LPP: variants seen among roughly 807,000 people sequenced by gnomAD.
LPP encodes lipoma-preferred partner.
LPP carries 38 observed loss-of-function variants against 60.4 expected under a neutral mutation model. That is an observed-to-expected ratio of 0.63 (90% CI 0.49 to 0.83). LPP has a LOEUF of 0.83. Ranked by LOEUF, LPP falls within the 40% of genes least tolerant of loss-of-function variation. The probability of loss-of-function intolerance (pLI) is 0.00; values close to 1 mark genes in which losing one functional copy is unlikely to be tolerated. For missense variants in LPP, 902 were observed against 783.6 expected (o/e 1.15, Z -1.80); for synonymous variants, 328 against 290.8 (o/e 1.13, Z -1.30).
At chr3:188,779,677 G>A (rs1015984520) in intron 9 of LPP, among the ~76,000 whole-genome samples, 1 of 151,690 alleles carries the variant, frequency 6.6e-6, no homozygotes, top group Non-Finnish European at 1.5e-5. Context: ...TAATTCCAAT[G>A]ATGGGAAATT....
chr3:188,812,030 T>G (rs1485102542), intron 9 of LPP, among the ~76,000 whole-genome samples: 1 of 152,142 alleles, frequency 6.6e-6, no homozygotes, highest in Non-Finnish European at 1.5e-5. Flanking sequence ...CCACCAAAGT[T>G]TTTGTAAGGT....
At chr3:188,685,841 C>T (rs1416824627) in intron 7 of LPP, among the ~76,000 whole-genome samples, 1 of 151,912 alleles carries the variant, frequency 6.6e-6, no homozygotes, top group African/African-American at 2.4e-5. Flanking sequence ...TTCTCTACTA[C>T]TTTTCTTAAA....
intron 3 of LPP, among the ~76,000 whole-genome samples, chr3:188,368,897 G>A (rs532692194): frequency 6.6e-6 from 1 of 152,212 alleles, no homozygotes; most frequent in South Asian, 2.1e-4. Flanking sequence ...TACCTGAAAG[G>A]AAGAGGTGTG....
intron 9 of LPP, among the ~76,000 whole-genome samples, chr3:188,853,357 G>A (rs1017428953): frequency 2.0e-5 from 3 of 152,184 alleles, no homozygotes; most frequent in Non-Finnish European, 4.4e-5. Context: ...CTATACTTGG[G>A]TTCTCTGCTA....
At chr3:188,743,310 TAGC>T (rs922003847) in intron 8 of LPP, among the ~76,000 whole-genome samples, 2 of 152,068 alleles carry the variant, frequency 1.3e-5, no homozygotes, top group African/African-American at 4.8e-5. Flanking sequence ...CTGACTCTAA[TAGC>T]AGGTGTAGCA....
At chr3:188,280,921 G>A (rs1411454127) in intron 2 of LPP, among the ~76,000 whole-genome samples, 1 of 142,022 alleles carries the variant, frequency 7.0e-6, no homozygotes, top group Admixed American at 7.4e-5. Context: ...CTAATGATAG[G>A]ACGACAAAGG....
intron 6 of LPP, among the ~76,000 whole-genome samples, chr3:188,592,553 T>TTTTTTTTTTTTTGTTGTTG (rs1553936328): frequency 8.2e-6 from 1 of 121,280 alleles, no homozygotes; most frequent in Non-Finnish European, 1.8e-5. Flanking sequence ...TTAGTTTTGT[T>TTTTTTTTTTTTTGTTGTTG]TTTGTTTTTT....
chr3:188,359,231 A>T (rs528638270), intron 3 of LPP, among the ~76,000 whole-genome samples: 1 of 152,324 alleles, frequency 6.6e-6, no homozygotes, highest in South Asian at 2.1e-4. Context: ...AAGTTAGAGC[A>T]CGTTTGCCTA....
intron 4 of LPP, among the ~76,000 whole-genome samples, chr3:188,481,923 T>C (rs963864245): frequency 1.3e-5 from 2 of 152,292 alleles, no homozygotes; most frequent in East Asian, 3.9e-4. Context: ...CATAGTAATA[T>C]GGTTTAGCTC....
intron 3 of LPP, among the ~76,000 whole-genome samples, chr3:188,350,790 T>C (rs1021965270): frequency 7.2e-5 from 11 of 152,204 alleles, no homozygotes; most frequent in African/African-American, 2.7e-4. Context: ...GTTTTTAATG[T>C]ATGAAACATA....
At chr3:188,370,948 T>C (rs1772873934) in intron 3 of LPP, among the ~76,000 whole-genome samples, 1 of 152,216 alleles carries the variant, frequency 6.6e-6, no homozygotes, top group Non-Finnish European at 1.5e-5. Flanking sequence ...TTGGTTTTCT[T>C]GGGCTCTGCT....
At chr3:188,819,372 A>G (rs574300811) in intron 9 of LPP, among the ~76,000 whole-genome samples, 2 of 151,786 alleles carry the variant, frequency 1.3e-5, no homozygotes, top group Non-Finnish European at 2.9e-5. Flanking sequence ...ATGTGTACCC[A>G]AGTTTTCGCT....
chr3:188,516,664 GAACAC>G (rs1817462980), intron 5 of LPP, among the ~76,000 whole-genome samples: 2 of 137,316 alleles, frequency 1.5e-5, no homozygotes, highest in African/African-American at 6.5e-5. Context: ...CTCAAAGTGA[GAACAC>G]CTCACTTTGA....
At chr3:188,205,876 A>C (rs2149150219) in intron 1 of LPP, among the ~76,000 whole-genome samples, 1 of 152,306 alleles carries the variant, frequency 6.6e-6, no homozygotes, top group African/African-American at 2.4e-5. Flanking sequence ...AAGGAAGGGG[A>C]CCGCTAGAGC....
chr3:188,818,251 C>G (rs1347746864), intron 9 of LPP, among the ~76,000 whole-genome samples: 1 of 152,140 alleles, frequency 6.6e-6, no homozygotes, highest in South Asian at 2.1e-4. Context: ...TCCCCCAGTA[C>G]AGCTAATATG....
chr3:188,229,376 C>T (rs1290064982), intron 2 of LPP, among the ~76,000 whole-genome samples: 9 of 152,260 alleles, frequency 5.9e-5, no homozygotes, highest in South Asian at 2.1e-4. Context: ...TGCCGACTGT[C>T]GCCAAGGGCT....
At chr3:188,639,850 T>C (rs1486129739) in intron 7 of LPP, among the ~76,000 whole-genome samples, 1 of 152,130 alleles carries the variant, frequency 6.6e-6, no homozygotes, top group African/African-American at 2.4e-5. Context: ...ATGGCAATCA[T>C]TAAAAAGTCA....
intron 5 of LPP, among the ~76,000 whole-genome samples, chr3:188,522,796 T>TATAA (rs1344262998): frequency 4.2e-5 from 6 of 144,232 alleles, no homozygotes; most frequent in African/African-American, 1.5e-4. Flanking sequence ...TATATATATA[T>TATAA]ATATATATAT....
In LPP at chr3:188,514,572, G is replaced by A. The variant is rs189526833; in HGVS notation, c.307-10093G>A. Reference sequence around the variant, plus strand: ...TTTTCTGCCTCCAGCCTCCCAAGTAGCTGGGATTACGGTTACCCACCACCA... The same window carrying A: ...TTTTCTGCCTCCAGCCTCCCAAGTAACTGGGATTACGGTTACCCACCACCA... On this transcript the variant is annotated intron_variant, in intron 5 of 11. Coordinates refer to ENST00000617246, the MANE Select transcript of LPP (RefSeq NM_001375462.1). Among the ~76,000 whole-genome samples the A allele has an allele frequency of 3.2e-3, 480 of 152,096 alleles. 4 individuals carry two copies. The highest frequency in any genetic ancestry group is 3.2e-3 in the Non-Finnish European group (216 of 68,018).
Sources: allele counts gnomAD v4.1 joint callset (sites outside exome capture counted in the v4.1 genomes callset), GRCh38; gene constraint gnomAD v4.1.1; transcripts MANE v1.5; gene names NCBI Gene and HGNC (gene_info 2026-07-23, HGNC 2026-07-21).